SMYD1: variants seen among roughly 807,000 people sequenced by gnomAD.
The protein encoded by SMYD1 is histone-lysine N-methyltransferase SMYD1.
In SMYD1, 49 loss-of-function variants were observed where a neutral mutation model predicts 54.0. The observed-to-expected ratio is 0.91, with a 90% CI of 0.72 to 1.15. The LOEUF (loss-of-function observed/expected upper bound fraction) is 1.15, where lower values mean the gene tolerates loss of function less well. Ranked by LOEUF, SMYD1 falls within the 50% of genes most tolerant of loss-of-function variation. The pLI is 0.00. For synonymous variants in SMYD1, 269 were observed against 234.2 expected (o/e 1.15, Z -1.36); for missense variants, 653 against 639.6 (o/e 1.02, Z -0.23).
chr2:88,077,011 C>CAAAAAAAAAA (rs112988082), intron 1 of SMYD1, among the ~76,000 whole-genome samples: 28 of 117,200 alleles, frequency 2.4e-4, no homozygotes, highest in African/African-American at 8.0e-4. Context: ...GACCCTGTCT[C>CAAAAAAAAAA]AAAAAAAAAA....
intron 1 of SMYD1, among the ~76,000 whole-genome samples, chr2:88,074,562 A>G (rs937956908): frequency 1.3e-5 from 2 of 152,214 alleles, no homozygotes; most frequent in African/African-American, 4.8e-5. Context: ...TTGGGGGGCT[A>G]TTATTCAGTC....
At chr2:88,105,374 T>TACAC (rs368510507) in intron 7 of SMYD1, among the ~76,000 whole-genome samples, 2,398 of 146,726 alleles carry the variant, frequency 0.016, 80 homozygotes, top group African/African-American at 0.059. Context: ...TGCGCATGCA[T>TACAC]ATATACACAC....
intron 2 of SMYD1, 99 bp from the exon 3 acceptor site, chr2:88,087,763 G>T: frequency 1.9e-6 from 2 of 1,060,518 alleles, no homozygotes; most frequent in Non-Finnish European, 1.3e-6. Context: ...ACGTATCTTG[G>T]GCCCAACATT....
intron 6 of SMYD1, among the ~76,000 whole-genome samples, chr2:88,101,526 G>A (rs527406601): frequency 3.9e-5 from 6 of 152,286 alleles, no homozygotes; most frequent in Admixed American, 3.3e-4. Context: ...GTGTGCACAC[G>A]TAGGACTGAA....
Position 88,108,505 on chromosome 2 carries a change from A to T in SMYD1, c.1280A>T (p.His427Leu), listed in dbSNP as rs369443307. Residue 427 changes from histidine (H) to leucine (L), a missense_variant, in exon 9 of 10, where the codon CAC (histidine) becomes CTC (leucine). His to Leu is a moderately conservative substitution (Grantham distance 99). Transcript: ENST00000419482. ...CKAYAILLVT[H>L]GPSHPITKDL... is the part of the protein sequence containing the mutation. ...GCCTATGCCATTCTCCTGGTGACAC[A>T]CGGACCCTCCCACCCCATCACTAAG... 2 of 1,607,412 alleles carry T rather than the reference A, an allele frequency of 1.2e-6. No homozygotes were observed. The highest frequency in any genetic ancestry group is 1.7e-6 in the Non-Finnish European group (2 of 1,177,104).
chr2:88,082,996 C>T (rs1558849424), intron 1 of SMYD1: 1 of 152,110 alleles, frequency 6.6e-6, no homozygotes, highest in Non-Finnish European at 1.5e-5. Flanking sequence ...TATTCATGGC[C>T]AGGGATAGAC....
At chr2:88,078,311 T>C (rs925962135) in intron 1 of SMYD1, among the ~76,000 whole-genome samples, 1 of 152,240 alleles carries the variant, frequency 6.6e-6, no homozygotes, top group Non-Finnish European at 1.5e-5. Flanking sequence ...TCAGAACTTC[T>C]TGTAATTTTC....
intron 8 of SMYD1, among the ~76,000 whole-genome samples, chr2:88,108,095 G>A (rs1036471852): frequency 6.6e-6 from 1 of 152,228 alleles, no homozygotes; most frequent in Non-Finnish European, 1.5e-5. Flanking sequence ...GAGTCCCCAA[G>A]CTCAGAAAGT....
At chr2:88,108,227 C>T in intron 8 of SMYD1, 144 bp from the exon 9 acceptor site, 1 of 696,786 alleles carries the variant, frequency 1.4e-6, no homozygotes. Flanking sequence ...TGCCTCAGTT[C>T]CCCCTTGGCG....
intron 8 of SMYD1, among the ~76,000 whole-genome samples, chr2:88,107,479 T>C (rs796190063): frequency 4.5e-4 from 69 of 152,310 alleles, no homozygotes; most frequent in African/African-American, 1.5e-3. Context: ...CTACCACTTT[T>C]TGGGGAGACG....
chr2:88,096,624 CAGA>C lies in SMYD1; in HGVS notation c.731_733del (p.Glu244del). ...GAGCTCCGGGCCCTAGGCAAGATCT[CAGA>C]AGGAGAGGAGCTGACTGTGTCCTAT... On this transcript the variant is annotated inframe_deletion, in exon 6 of 10. Transcript: ENST00000419482. The C allele has an allele frequency of 6.2e-7, 1 of 1,613,516 alleles. No homozygotes were observed. The highest frequency in any genetic ancestry group is 1.1e-5 in the South Asian group (1 of 90,950).
rs760298811 is a variant in SMYD1 at position 88,088,072 on chromosome 2, A to G, written c.525A>G (p.Gly175=). The G allele has an allele frequency of 6.2e-7, 1 of 1,612,478 alleles. No homozygotes were observed. Among genetic ancestry groups the G allele is most frequent in the South Asian group, 1.1e-5 (1 of 90,880 alleles). ...FSMQYISHIF[G]VINCNGFTLS... The stretch of plus-strand genomic sequence containing the variant: ...TGCAGTACATCTCGCACATCTTCGG[A>G]GTGGTAGGCCCCCTGCGTCCCTTCT... Residue 175 remains glycine (G), a synonymous_variant, in exon 3 of 10, where the codon GGA becomes GGG. Coordinates refer to ENST00000419482, the MANE Select transcript of SMYD1 (RefSeq NM_198274.4).
At chr2:88,093,125 G>GTTTGAGGCAA (rs1674499531) in intron 4 of SMYD1, among the ~76,000 whole-genome samples, 1 of 152,184 alleles carries the variant, frequency 6.6e-6, no homozygotes, top group Admixed American at 6.5e-5. Flanking sequence ...TTCCAAGACA[G>GTTTGAGGCAA]ACATCCAAAG....
intron 6 of SMYD1, among the ~76,000 whole-genome samples, chr2:88,098,665 A>G (rs1366120915): frequency 6.6e-6 from 1 of 152,230 alleles, no homozygotes; most frequent in Non-Finnish European, 1.5e-5. Flanking sequence ...AAGAATTATG[A>G]GGCCTGTGTA....
At chr2:88,068,770 C>T (rs980718120) in intron 1 of SMYD1, among the ~76,000 whole-genome samples, 1 of 152,066 alleles carries the variant, frequency 6.6e-6, no homozygotes, top group East Asian at 1.9e-4. Flanking sequence ...CTTTATAGAG[C>T]TATCCATATA....
chr2:88,078,128 G>A (rs1398288751), intron 1 of SMYD1, among the ~76,000 whole-genome samples: 1 of 152,132 alleles, frequency 6.6e-6, no homozygotes, highest in Non-Finnish European at 1.5e-5. Context: ...AGCTGGTGCT[G>A]GGGGTGAGAG....
At chr2:88,079,305 A>T (rs1329171299) in intron 1 of SMYD1, among the ~76,000 whole-genome samples, 1 of 152,216 alleles carries the variant, frequency 6.6e-6, no homozygotes, top group Non-Finnish European at 1.5e-5. Flanking sequence ...TTAGGGACAT[A>T]ATATGGCTAC....
At chr2:88,095,232 G>A (rs573168598) in intron 5 of SMYD1, among the ~76,000 whole-genome samples, 6 of 152,318 alleles carry the variant, frequency 3.9e-5, no homozygotes, top group Admixed American at 3.9e-4. Context: ...CATCACTATA[G>A]TAACCGCTGC....
At chr2:88,070,626 T>C (rs927535995) in intron 1 of SMYD1, among the ~76,000 whole-genome samples, 4 of 152,094 alleles carry the variant, frequency 2.6e-5, no homozygotes, top group African/African-American at 9.7e-5. Context: ...CTAGGTTTTG[T>C]GTTGTATATT....
Sources: gnomAD v4.1 joint callset for allele counts (sites outside exome capture counted in the v4.1 genomes callset) on GRCh38, gnomAD v4.1.1 for gene constraint, MANE v1.5 for transcripts, NCBI Gene and HGNC (gene_info 2026-07-23, HGNC 2026-07-21) for gene names.